The following LYST variants were observed in gnomAD, a reference collection of about 807,000 sequenced individuals.
LYST encodes lysosomal-trafficking regulator.
In LYST, 192 loss-of-function variants were observed where a neutral mutation model predicts 413.6. That is an observed-to-expected ratio of 0.46 (90% CI 0.41 to 0.52). The LOEUF (loss-of-function observed/expected upper bound fraction) is 0.52, where lower values mean the gene tolerates loss of function less well. LYST is among the 20% of genes least tolerant of loss of function. The pLI, the probability that LYST is intolerant of heterozygous loss-of-function variation, is 0.00. For missense variants in LYST, 3,815 were observed against 4,499.9 expected (o/e 0.85, Z 4.35); for synonymous variants, 1,525 against 1,567.3 (o/e 0.97, Z 0.64).
chr1:235,787,027 C>T (rs1302066409), intron 14 of LYST, 173 bp downstream of exon 14: 3 of 530,356 alleles, frequency 5.7e-6, no homozygotes, highest in East Asian at 6.8e-5. Flanking sequence ...TGCACATGTA[C>T]CCTAGAACTT....
intron 28 of LYST, among the ~76,000 whole-genome samples, chr1:235,750,483 A>G (rs1666377932): frequency 6.6e-6 from 1 of 152,170 alleles, no homozygotes; most frequent in Non-Finnish European, 1.5e-5. Context: ...AATTTAAGAC[A>G]GTAAGAGTGA....
chr1:235,688,490 T>C (rs1660382379), intron 47 of LYST, among the ~76,000 whole-genome samples: 1 of 152,210 alleles, frequency 6.6e-6, no homozygotes, highest in African/African-American at 2.4e-5. Context: ...ACACCACTTC[T>C]GTAGTCTACT....
At chr1:235,779,903 A>G (rs1297310299) in intron 16 of LYST, among the ~76,000 whole-genome samples, 2 of 152,144 alleles carry the variant, frequency 1.3e-5, no homozygotes, top group African/African-American at 4.8e-5. Flanking sequence ...TTTCATGGCC[A>G]GATCTACTAG....
At position 235,787,332 on chromosome 1, in the gene LYST, A is replaced by C. The variant is rs1670530064; in HGVS notation, c.4730T>G (p.Leu1577Arg). 6.2e-7 allele frequency: 1 copy of C among 1,613,858 alleles called. No individual in the cohort carries two copies. The highest frequency in any genetic ancestry group is 2.2e-5 in the East Asian group (1 of 44,824). Residue 1577 changes from leucine (L) to arginine (R), a missense_variant, in exon 14 of 53, where the codon CTA (leucine) becomes CGA (arginine). This residue lies in a region of LYST where 530 missense variants were observed against 696.5 expected (regional missense o/e 0.76). Coordinates refer to ENST00000389793, the MANE Select transcript of LYST (RefSeq NM_000081.4). ...DSNDDMKAVL[L>R]AQVESQENIF... The stretch of plus-strand genomic sequence containing the variant: ...ATTCTCCTGTGATTCAACCTGTGCT[A>C]GTAAAACAGCTTTCATGTCATCATT...
At chr1:235,789,529 T>G (rs1051779318) in intron 12 of LYST, among the ~76,000 whole-genome samples, 1 of 152,164 alleles carries the variant, frequency 6.6e-6, no homozygotes, top group East Asian at 1.9e-4. Flanking sequence ...TACATGTGAC[T>G]TTATGTAAAG....
At chr1:235,794,184 C>A (rs879834857) in intron 10 of LYST, among the ~76,000 whole-genome samples, 9 of 152,144 alleles carry the variant, frequency 5.9e-5, no homozygotes, top group Non-Finnish European at 1.2e-4. Context: ...AAACTAAGGG[C>A]ATTCTTTAAA....
exon 1 of LYST, chr1:235,883,626 T>C (rs1420999957): frequency 6.6e-6 from 1 of 152,610 alleles, no homozygotes; most frequent in Non-Finnish European, 1.5e-5. Context: ...GGATGGCTTC[T>C]TAGAAGCCCT....
At chr1:235,767,663 C>T (rs924145190) in intron 20 of LYST, among the ~76,000 whole-genome samples, 5 of 151,988 alleles carry the variant, frequency 3.3e-5, no homozygotes, top group Admixed American at 6.6e-5. Flanking sequence ...CTTAACTTTA[C>T]CTTATATGAA....
intron 45 of LYST, among the ~76,000 whole-genome samples, chr1:235,701,078 G>A (rs934206221): frequency 1.3e-5 from 2 of 152,162 alleles, no homozygotes; most frequent in African/African-American, 4.8e-5. Flanking sequence ...CTGAGGAAGA[G>A]ATGTCTGAGC....
chr1:235,855,920 T>C (rs1679123018), intron 1 of LYST, among the ~76,000 whole-genome samples: 1 of 152,164 alleles, frequency 6.6e-6, no homozygotes, highest in Admixed American at 6.5e-5. Flanking sequence ...TTTACTGTTA[T>C]AAAACATTTC....
chr1:235,757,247 G>C, intron 24 of LYST, 34 bp downstream of exon 24: 1 of 1,432,142 alleles, frequency 7.0e-7, no homozygotes, highest in Non-Finnish European at 9.7e-7. Context: ...TTATTTTTCT[G>C]AATTAAAATA....
chr1:235,804,608 C>T lies in LYST; in HGVS notation c.3451G>A (p.Val1151Met), dbSNP rs1672610570. The T allele has an allele frequency of 6.2e-7, 1 of 1,611,022 alleles. No homozygotes were observed. Among genetic ancestry groups the T allele is most frequent in the Non-Finnish European group, 8.5e-7 (1 of 1,177,286 alleles). The change falls in exon 7 of 53, where the codon GTG becomes ATG. Residue 1151 changes from valine to methionine, a missense_variant. Coordinates refer to ENST00000389793, the MANE Select transcript of LYST (RefSeq NM_000081.4). ...GGCTTTGCTAGTTGTGTTTCAATCA[C>T]CTTTGACTGGGAAAGATGGTCCCTC... ...EMRDHLSQSK[V>M]IETQLAKPLF...
At chr1:235,767,442 G>C (rs1035509620) in intron 20 of LYST, among the ~76,000 whole-genome samples, 1 of 152,048 alleles carries the variant, frequency 6.6e-6, no homozygotes, top group Non-Finnish European at 1.5e-5. Flanking sequence ...ACTAAGACAG[G>C]AACATAGATC....
At chr1:235,795,057 G>T (rs1671410983) in intron 10 of LYST, among the ~76,000 whole-genome samples, 1 of 152,154 alleles carries the variant, frequency 6.6e-6, no homozygotes, top group Non-Finnish European at 1.5e-5. Context: ...AAAAGTAGAT[G>T]TATAAGAGAA....
intron 38 of LYST, among the ~76,000 whole-genome samples, chr1:235,724,453 T>C (rs906420296): frequency 5.3e-5 from 8 of 152,190 alleles, no homozygotes; most frequent in African/African-American, 1.9e-4. Flanking sequence ...TCCCCTCCCT[T>C]GGCCCTGCAC....
intron 29 of LYST, among the ~76,000 whole-genome samples, chr1:235,745,321 C>T (rs1665812123): frequency 6.6e-6 from 1 of 151,812 alleles, no homozygotes; most frequent in Non-Finnish European, 1.5e-5. Context: ...TAAGTTTGTA[C>T]ATATATATTC....
chr1:235,752,274 C>A (rs1204834800), intron 26 of LYST, 103 bp from the exon 27 acceptor site: 8 of 797,904 alleles, frequency 1.0e-5, no homozygotes, highest in South Asian at 1.5e-5. Flanking sequence ...TCCTGTTCGA[C>A]CAGCTTGCAC....
chr1:235,728,722 GAGTAGTGA>G (rs1052814788), intron 37 of LYST, among the ~76,000 whole-genome samples: 18 of 152,208 alleles, frequency 1.2e-4, no homozygotes, highest in Non-Finnish European at 2.1e-4. Flanking sequence ...CATCACCCTC[GAGTAGTGA>G]AGTAGTGAAG....
rs1364772037 is a variant in LYST, at chr1:235,751,431, A to C, written c.7628-69T>G. 6 of 1,264,304 alleles carry C rather than the reference A, an allele frequency of 4.7e-6. No individual in the cohort carries two copies. In the African/African-American group the frequency reaches 8.8e-5, roughly 19 times the overall value. 78.3% of individuals were successfully genotyped at this position (1,264,304 alleles called of 1,614,324 possible). On this transcript the variant is annotated intron_variant, in intron 27 of 52. Transcript: ENST00000389793. Reference sequence around the variant, plus strand: ...CTAATTTTTTAATTGAACTGATTTTATGTATCATGACAATAATGTTTTGAT... The same window carrying C: ...CTAATTTTTTAATTGAACTGATTTTCTGTATCATGACAATAATGTTTTGAT...
Sources: gnomAD v4.1 joint callset for allele counts (sites outside exome capture counted in the v4.1 genomes callset) on GRCh38, gnomAD v4.1.1 for gene constraint, gnomAD v4.1.1 regional missense constraint, MANE v1.5 for transcripts, NCBI Gene and HGNC (gene_info 2026-07-23, HGNC 2026-07-21) for gene names.